Variants in PTPRO observed in about 807,000 individuals in gnomAD.
The protein encoded by PTPRO is receptor-type tyrosine-protein phosphatase O.
Under a neutral mutation model 145.2 loss-of-function variants are expected in PTPRO, and 62 were observed. That is an observed-to-expected ratio of 0.43 (90% confidence interval 0.35 to 0.53). The LOEUF (loss-of-function observed/expected upper bound fraction) is 0.53, where lower values mean the gene tolerates loss of function less well. Ranked by LOEUF, PTPRO falls within the 20% of genes least tolerant of loss-of-function variation. The probability of loss-of-function intolerance (pLI) is 0.01; values close to 1 mark genes in which losing one functional copy is unlikely to be tolerated. For synonymous variants in PTPRO, 565 were observed against 514.7 expected (o/e 1.10, Z -1.32); for missense variants, 1,345 against 1,482.7 (o/e 0.91, Z 1.53).
chr12:15,442,971 C>G (rs1940809932), intron 1 of PTPRO, among the ~76,000 whole-genome samples: 1 of 151,972 alleles, frequency 6.6e-6, no homozygotes, highest in Non-Finnish European at 1.5e-5. Flanking sequence ...AGAAAAAAAA[C>G]TATTCTAAAA....
intron 25 of PTPRO, among the ~76,000 whole-genome samples, chr12:15,590,121 T>G (rs1387824105): frequency 6.6e-6 from 1 of 152,190 alleles, no homozygotes; most frequent in African/African-American, 2.4e-5. Context: ...ATCTCAATGA[T>G]GAAGATTTAT....
chr12:15,590,171 A>G (rs948163272), intron 25 of PTPRO, among the ~76,000 whole-genome samples: 3 of 152,214 alleles, frequency 2.0e-5, no homozygotes, highest in Non-Finnish European at 4.4e-5. Flanking sequence ...AATATCCAAC[A>G]GTGTTACGTG....
At chr12:15,354,475 CA>C in intron 1 of PTPRO, among the ~76,000 whole-genome samples, 1 of 152,206 alleles carries the variant, frequency 6.6e-6, no homozygotes, top group African/African-American at 2.4e-5. Flanking sequence ...TATTTTGGTG[CA>C]AAAAGTTTTT....
intron 9 of PTPRO, among the ~76,000 whole-genome samples, chr12:15,518,832 T>A (rs898788531): frequency 1.3e-5 from 2 of 152,178 alleles, no homozygotes; most frequent in South Asian, 4.1e-4. Flanking sequence ...ATTGTCCATA[T>A]CATTATCAGC....
intron 9 of PTPRO, among the ~76,000 whole-genome samples, chr12:15,517,925 C>A (rs971608029): frequency 6.6e-6 from 1 of 152,206 alleles, no homozygotes; most frequent in Non-Finnish European, 1.5e-5. Context: ...GTGGATCTAC[C>A]ATTCTGGGGT....
intron 1 of PTPRO, among the ~76,000 whole-genome samples, chr12:15,415,854 G>A (rs184444131): frequency 2.6e-5 from 4 of 151,842 alleles, no homozygotes. Flanking sequence ...AGGAAGAAGA[G>A]AGCAAACATG....
intron 19 of PTPRO, among the ~76,000 whole-genome samples, chr12:15,570,346 T>TAA (rs1186074730): frequency 2.6e-5 from 4 of 152,150 alleles, no homozygotes; most frequent in Non-Finnish European, 5.9e-5. Context: ...TAAAGCCTTT[T>TAA]AAGTGCTCTT....
chr12:15,586,383 A>G lies in PTPRO; in HGVS notation c.3256-514A>G, dbSNP rs1394768753. 2.0e-5 allele frequency among the ~76,000 whole-genome samples: 3 copies of G among 152,282 alleles called. No homozygotes were observed. The South Asian group carries it at 6.2e-4, about 32-fold the overall frequency. On this transcript the variant is annotated intron_variant, in intron 23 of 26. Transcript: ENST00000281171. The stretch of plus-strand genomic sequence containing the variant: ...GAAAAAGGCTGGATTTTTGTACCCC[A>G]CAATTAGTCAGTCATTAGCTGTGGG...
In PTPRO at chr12:15,589,525, T is replaced by C; in HGVS notation, c.3481T>C (p.Phe1161Leu). Residue 1161 changes from phenylalanine (F) to leucine (L), a missense_variant, in exon 25 of 27, where the codon TTT becomes CTT. Phe to Leu is a conservative substitution (Grantham distance 22, BLOSUM62 0). Coordinates refer to ENST00000281171, the MANE Select transcript of PTPRO (RefSeq NM_030667.3). ...CTTGCAGCACATTCGGGATCATGAG[T>C]TTGTTGACATCTTAGGGCTGGTGTC... ...RLLQHIRDHE[F>L]VDILGLVSEM... The C allele has an allele frequency of 6.2e-7, 1 of 1,613,938 alleles. No homozygotes were observed. Among genetic ancestry groups the C allele is most frequent in the Non-Finnish European group, 8.5e-7 (1 of 1,179,940 alleles).
At chr12:15,570,428 G>A (rs922215183) in intron 19 of PTPRO, among the ~76,000 whole-genome samples, 1 of 151,984 alleles carries the variant, frequency 6.6e-6, no homozygotes, top group African/African-American at 2.4e-5. Flanking sequence ...GCCAAGGACA[G>A]CTTTAGTCTG....
At chr12:15,515,995 T>G (rs866302496) in intron 8 of PTPRO, among the ~76,000 whole-genome samples, 10,377 of 136,996 alleles carry the variant, frequency 0.076, 647 homozygotes, top group African/African-American at 0.17. Flanking sequence ...TTGTTTTGTT[T>G]TTTTTTTTTT....
intron 1 of PTPRO, among the ~76,000 whole-genome samples, chr12:15,408,808 A>G (rs943955068): frequency 6.6e-6 from 1 of 152,204 alleles, no homozygotes; most frequent in African/African-American, 2.4e-5. Context: ...CCATTTTAAA[A>G]GTGATATATA....
chr12:15,450,319 G>A (rs1941012581), intron 1 of PTPRO, among the ~76,000 whole-genome samples: 1 of 152,152 alleles, frequency 6.6e-6, no homozygotes, highest in Non-Finnish European at 1.5e-5. Flanking sequence ...AGTAGCTTAA[G>A]GAAACGACTC....
At chr12:15,513,322 G>A (rs1027473174) in intron 7 of PTPRO, among the ~76,000 whole-genome samples, 12 of 151,962 alleles carry the variant, frequency 7.9e-5, no homozygotes, top group Non-Finnish European at 1.6e-4. Flanking sequence ...TCTATCAGAT[G>A]AAGAGATATA....
At chr12:15,536,798 G>C (rs1943074483) in intron 12 of PTPRO, among the ~76,000 whole-genome samples, 1 of 152,144 alleles carries the variant, frequency 6.6e-6, no homozygotes, top group Non-Finnish European at 1.5e-5. Flanking sequence ...TTGGGGCAAG[G>C]CTTTTCTGCC....
At chr12:15,587,286 A>G (rs1438904047) in intron 24 of PTPRO, 2 of 522,444 alleles carry the variant, frequency 3.8e-6, no homozygotes, top group East Asian at 3.6e-5. Context: ...AAAAATAGAG[A>G]AGGGTAGAGA....
chr12:15,497,302 G>A lies in PTPRO; in HGVS notation c.407G>A (p.Gly136Glu), dbSNP rs761719227. The A allele has an allele frequency of 6.3e-7, 1 of 1,594,140 alleles. No individual in the cohort carries two copies. Among genetic ancestry groups the A allele is most frequent in the Non-Finnish European group, 8.6e-7 (1 of 1,162,158 alleles). Residue 136 changes from glycine to glutamate, a missense_variant, in exon 3 of 27, where the codon GGA becomes GAA. Coordinates refer to ENST00000281171, the MANE Select transcript of PTPRO (RefSeq NM_030667.3). ...IYDYKPSPET[G>E]VLFEIHYPEK... ...GACTATAAACCTTCTCCTGAAACAG[G>A]AGTCCTGTTTGAAATACATTATCCA...
intron 12 of PTPRO, among the ~76,000 whole-genome samples, chr12:15,543,680 T>G (rs1007145441): frequency 6.6e-6 from 1 of 152,208 alleles, no homozygotes; most frequent in Admixed American, 6.5e-5. Flanking sequence ...AAGAATCTAA[T>G]AGGATCTACT....
rs561169307 is a variant in PTPRO at position 15,458,166 on chromosome 12, T to C, written c.76-25808T>C. On this transcript the variant is annotated intron_variant, in intron 1 of 26. Transcript: ENST00000281171. Reference sequence around the variant, plus strand: ...GACAGATTTTTTTTCTTTCAGCACTTTTAATATATCATCCTGCTCTCTAGT... The same window carrying C: ...GACAGATTTTTTTTCTTTCAGCACTCTTAATATATCATCCTGCTCTCTAGT... Among the ~76,000 whole-genome samples, 3 of 152,304 alleles carry C rather than the reference T, an allele frequency of 2.0e-5. No homozygotes were observed. In the East Asian group the frequency reaches 5.8e-4, roughly 29 times the overall value.
Sources: allele counts gnomAD v4.1 joint callset (sites outside exome capture counted in the v4.1 genomes callset), GRCh38; gene constraint gnomAD v4.1.1; transcripts MANE v1.5; gene names NCBI Gene and HGNC (gene_info 2026-07-23, HGNC 2026-07-21).